MTNR1A: variants seen among roughly 807,000 people sequenced by gnomAD.
MTNR1A encodes the protein melatonin receptor 1A, also known as melatonin receptor type 1A.
In MTNR1A, 7 loss-of-function variants were observed where a neutral mutation model predicts 5.5. That is an observed-to-expected ratio of 1.28 (90% confidence interval 0.73 to 2.40). The LOEUF is 2.40. MTNR1A is among the 30% of genes most tolerant of loss of function. The pLI, the probability that MTNR1A is intolerant of heterozygous loss-of-function variation, is 0.00. For missense variants in MTNR1A, 441 were observed against 464.4 expected (o/e 0.95, Z 0.46); for synonymous variants, 196 against 202.7 (o/e 0.97, Z 0.28).
chr4:186,551,885 C>A (rs1367968806), intron 1 of MTNR1A, among the ~76,000 whole-genome samples: 1 of 152,080 alleles, frequency 6.6e-6, no homozygotes, highest in African/African-American at 2.4e-5. Context: ...AGCCATAGAG[C>A]CATTCTGGGA....
At chr4:186,542,865 A>C (rs1737056991) in intron 1 of MTNR1A, among the ~76,000 whole-genome samples, 1 of 152,234 alleles carries the variant, frequency 6.6e-6, no homozygotes, top group East Asian at 1.9e-4. Context: ...GGGAGGCTGG[A>C]GTGAGTGGAT....
chr4:186,544,299 G>A lies in MTNR1A; in HGVS notation c.185-9742C>T, dbSNP rs192592844. Among the ~76,000 whole-genome samples the A allele has an allele frequency of 2.6e-3, 397 of 152,306 alleles. 2 individuals carry two copies. Among genetic ancestry groups the A allele is most frequent in the East Asian group, 0.011 (58 of 5,176 alleles). ...CTCCCAAAGTACTGGGATTACAGGC[G>A]TGAGCCACCATGCCCGGCCTGCAGC... On this transcript the variant is annotated intron_variant, in intron 1 of 1. Transcript: ENST00000307161.
At chr4:186,548,810 G>GATATATAT (rs71595106) in intron 1 of MTNR1A, among the ~76,000 whole-genome samples, 2,871 of 54,020 alleles carry the variant, frequency 0.053, 164 homozygotes, top group Non-Finnish European at 0.063. Context: ...AATCTATAAA[G>GATATATAT]ATATATATAT....
intron 1 of MTNR1A, among the ~76,000 whole-genome samples, chr4:186,538,470 C>T (rs1050667380): frequency 4.6e-5 from 7 of 152,146 alleles, no homozygotes; most frequent in African/African-American, 1.7e-4. Flanking sequence ...ATCTGCTGCC[C>T]TGCAGGGGGT....
rs367557623 is a variant in MTNR1A at position 186,534,292 on chromosome 4, G to A, written c.450C>T (p.Leu150=). 4 of 1,614,064 alleles carry A rather than the reference G, an allele frequency of 2.5e-6. No individual in the cohort carries two copies. The highest frequency in any genetic ancestry group is 2.7e-5 in the African/African-American group (2 of 74,936). Reference sequence around the variant, plus strand: ...CGGCCGCCAGCGTCAGGAGCCATATGAGGAGCACGTAGCAGAGGGAGTTCT... The same window carrying A: ...CGGCCGCCAGCGTCAGGAGCCATATAAGGAGCACGTAGCAGAGGGAGTTCT... ...SSKNSLCYVL[L]IWLLTLAAVL... The change falls in exon 2 of 2, where the codon CTC becomes CTT. Residue 150 remains leucine (L), a synonymous_variant. Transcript: ENST00000307161.
chr4:186,549,840 C>A (rs1331365539), intron 1 of MTNR1A, among the ~76,000 whole-genome samples: 1 of 152,150 alleles, frequency 6.6e-6, no homozygotes, highest in Non-Finnish European at 1.5e-5. Context: ...TCTAGGAATG[C>A]AGTAAGTATT....
intron 1 of MTNR1A, among the ~76,000 whole-genome samples, chr4:186,547,526 C>T (rs994931020): frequency 2.0e-5 from 3 of 152,180 alleles, no homozygotes; most frequent in Non-Finnish European, 4.4e-5. Flanking sequence ...ATGGTACTCG[C>T]GGTTGTCTGA....
At chr4:186,547,791 C>T (rs148107355) in intron 1 of MTNR1A, among the ~76,000 whole-genome samples, 1 of 152,238 alleles carries the variant, frequency 6.6e-6, no homozygotes, top group Non-Finnish European at 1.5e-5. Flanking sequence ...TACGAGAGAC[C>T]AAAGGCACCT....
rs554500247 is a variant in MTNR1A at position 186,535,577 on chromosome 4, C to G, written c.185-1020G>C. 1.8e-4 allele frequency among the ~76,000 whole-genome samples: 27 copies of G among 152,070 alleles called. No individual in the cohort carries two copies. The South Asian group carries it at 2.7e-3, about 15-fold the overall frequency. Reference sequence around the variant, plus strand: ...CAGGTGCACACCACCACACCCGGCTCGTTTTTGTATTTTTGTAGAGACGGG... The same window carrying G: ...CAGGTGCACACCACCACACCCGGCTGGTTTTTGTATTTTTGTAGAGACGGG... On this transcript the variant is annotated intron_variant, in intron 1 of 1. Coordinates refer to ENST00000307161, the MANE Select transcript of MTNR1A (RefSeq NM_005958.4).
Position 186,542,899 on chromosome 4 carries a change from C to T in MTNR1A, c.185-8342G>A, listed in dbSNP as rs116918172. 6.6e-5 allele frequency among the ~76,000 whole-genome samples: 10 copies of T among 152,200 alleles called. No individual in the cohort carries two copies. In the East Asian group the frequency reaches 1.9e-3, roughly 29 times the overall value. On this transcript the variant is annotated intron_variant, in intron 1 of 1. Coordinates refer to ENST00000307161, the MANE Select transcript of MTNR1A (RefSeq NM_005958.4). ...ATCACTTGAGCCCAGGGGTTCAAGA[C>T]CTGCCTGAGCAACATGGTGAAACTC...
rs60023119 is a variant in MTNR1A at position 186,534,710 on chromosome 4, AG to A, written c.185-154del. On this transcript the variant is annotated intron_variant, in intron 1 of 1. Transcript: ENST00000307161. ...AATGAAGTGGAGGCCGTTTCCCAGG[AG>A]GGCCAGTCCACTGCCGCTCCTGACA... is the stretch of plus-strand genomic sequence containing the variant. Among the ~76,000 whole-genome samples the A allele has an allele frequency of 0.93, 141,590 of 152,152 alleles. 65,963 individuals are homozygous for A. The highest frequency in any genetic ancestry group is 1 in the East Asian group (5,155 of 5,158).
At chr4:186,554,672 C>T (rs1421302635) in intron 1 of MTNR1A, among the ~76,000 whole-genome samples, 1 of 152,224 alleles carries the variant, frequency 6.6e-6, no homozygotes, top group Non-Finnish European at 1.5e-5. Flanking sequence ...GAGCCGCCGC[C>T]TGCCGGACAC....
At chr4:186,552,172 G>T (rs1037159611) in intron 1 of MTNR1A, among the ~76,000 whole-genome samples, 3 of 152,156 alleles carry the variant, frequency 2.0e-5, no homozygotes, top group Non-Finnish European at 4.4e-5. Flanking sequence ...TGCTTGTTCT[G>T]TTTCTCAGAT....
intron 1 of MTNR1A, among the ~76,000 whole-genome samples, chr4:186,536,345 TC>T (rs1736849889): frequency 7.0e-6 from 1 of 142,518 alleles, no homozygotes; most frequent in Admixed American, 7.1e-5. Flanking sequence ...AAACTCCGTA[TC>T]AAAAAAAAAA....
At chr4:186,552,526 T>C (rs931404402) in intron 1 of MTNR1A, among the ~76,000 whole-genome samples, 6 of 152,224 alleles carry the variant, frequency 3.9e-5, no homozygotes, top group African/African-American at 1.4e-4. Flanking sequence ...AGGTCTATAG[T>C]GCAATGATTT....
At chr4:186,553,621 C>G (rs1203334663) in intron 1 of MTNR1A, among the ~76,000 whole-genome samples, 1 of 152,194 alleles carries the variant, frequency 6.6e-6, no homozygotes, top group African/African-American at 2.4e-5. Flanking sequence ...AAGCGATTCT[C>G]CTGCCTCAGG....
intron 1 of MTNR1A, among the ~76,000 whole-genome samples, chr4:186,544,631 C>T (rs534991068): frequency 6.0e-4 from 91 of 152,274 alleles, no homozygotes; most frequent in Middle Eastern, 6.8e-3. Context: ...TTCTGAAAAA[C>T]GTCTGTTTCT....
At chr4:186,554,778 C>T (rs922341680) in intron 1 of MTNR1A, among the ~76,000 whole-genome samples, 3 of 152,220 alleles carry the variant, frequency 2.0e-5, no homozygotes, top group African/African-American at 4.8e-5. Context: ...ATTTTGCCAG[C>T]TTCTATGTTT....
rs1261677809 is a variant in MTNR1A at position 186,555,432 on chromosome 4, A to C, written c.-67T>G. 54 of 1,269,496 alleles carry C rather than the reference A, an allele frequency of 4.3e-5. No homozygotes were observed. The highest frequency in any genetic ancestry group is 5.3e-5 in the Non-Finnish European group (53 of 999,406). The allele number at this position is 1,269,496 out of a possible 1,614,324, so 78.6% of individuals were successfully genotyped here. On this transcript the variant is annotated 5_prime_UTR_variant, in exon 1 of 2. Coordinates refer to ENST00000307161, the MANE Select transcript of MTNR1A (RefSeq NM_005958.4). This position sits in a 1 kb window ranked among gnomAD's most constrained non-coding sequence, Gnocchi z 4.1. Reference sequence around the variant, plus strand: ...CGTCCGCCCGCCCGACCACTTGTTAAGGCTCCGCCCGGCGCTCCCCGCGCC... The same window carrying C: ...CGTCCGCCCGCCCGACCACTTGTTACGGCTCCGCCCGGCGCTCCCCGCGCC...
Sources: gnomAD v4.1 joint callset for allele counts (sites outside exome capture counted in the v4.1 genomes callset) on GRCh38, gnomAD v4.1.1 for gene constraint, Gnocchi (gnomAD v3.1) non-coding constraint, MANE v1.5 for transcripts, NCBI Gene and HGNC (gene_info 2026-07-23, HGNC 2026-07-21) for gene names.